The following GPR137C variants were observed in gnomAD, a reference collection of about 807,000 sequenced individuals.
The protein encoded by GPR137C is integral membrane protein GPR137C.
In GPR137C, 27 loss-of-function variants were observed where a neutral mutation model predicts 43.4. The ratio of observed to expected loss-of-function variants is 0.62; its 90% CI spans 0.46 to 0.86. GPR137C has a LOEUF of 0.86. Among genes scored for constraint, GPR137C ranks in the 40% least tolerant of loss-of-function variants. GPR137C has a pLI of 0.00. For missense variants in GPR137C, 522 were observed against 534.6 expected (o/e 0.98, Z 0.23); for synonymous variants, 285 against 226.9 (o/e 1.26, Z -2.30).
At chr14:52,564,954 A>G (rs761920098) in intron 1 of GPR137C, among the ~76,000 whole-genome samples, 1 of 150,568 alleles carries the variant, frequency 6.6e-6, no homozygotes, top group Admixed American at 6.6e-5. Context: ...TGCTTGCTTT[A>G]AAACAAAAGT....
At chr14:52,618,629 A>G (rs2039125687) in intron 3 of GPR137C, among the ~76,000 whole-genome samples, 1 of 152,304 alleles carries the variant, frequency 6.6e-6, no homozygotes, top group Non-Finnish European at 1.5e-5. Context: ...TCAGTTATAA[A>G]TCAATGAAGT....
intron 1 of GPR137C, among the ~76,000 whole-genome samples, chr14:52,584,621 C>G (rs2038689292): frequency 6.6e-6 from 1 of 152,146 alleles, no homozygotes; most frequent in South Asian, 2.1e-4. Context: ...CACTTTGATT[C>G]TGACAACTTT....
intron 1 of GPR137C, among the ~76,000 whole-genome samples, chr14:52,566,921 G>A (rs773236505): frequency 3.9e-5 from 6 of 152,118 alleles, no homozygotes; most frequent in Non-Finnish European, 7.4e-5. Flanking sequence ...AGACCAGCCT[G>A]GCCAACATGG....
chr14:52,608,149 G>A (rs1227995117), intron 3 of GPR137C, among the ~76,000 whole-genome samples: 1 of 152,042 alleles, frequency 6.6e-6, no homozygotes, highest in Non-Finnish European at 1.5e-5. Context: ...TGCCATTTTT[G>A]CTTCTTTTCT....
intron 1 of GPR137C, among the ~76,000 whole-genome samples, chr14:52,585,558 G>T (rs1017000111): frequency 6.6e-6 from 1 of 152,222 alleles, no homozygotes; most frequent in Admixed American, 6.5e-5. Context: ...CCAAGGCCAG[G>T]TATGGTGGCT....
At chr14:52,577,561 T>A (rs1217921623) in intron 1 of GPR137C, among the ~76,000 whole-genome samples, 1 of 145,832 alleles carries the variant, frequency 6.9e-6, no homozygotes, top group Non-Finnish European at 1.5e-5. Context: ...AATGAAAAGT[T>A]GATTCTTGGC....
At chr14:52,569,031 C>G (rs989930825) in intron 1 of GPR137C, among the ~76,000 whole-genome samples, 1 of 152,180 alleles carries the variant, frequency 6.6e-6, no homozygotes, top group Non-Finnish European at 1.5e-5. Flanking sequence ...CGACAGACAC[C>G]TTATGCAACA....
chr14:52,569,131 C>T (rs2038423399), intron 1 of GPR137C, among the ~76,000 whole-genome samples: 1 of 152,198 alleles, frequency 6.6e-6, no homozygotes, highest in Non-Finnish European at 1.5e-5. Context: ...GTTTGGCAGC[C>T]TCCGCTGGTG....
intron 3 of GPR137C, among the ~76,000 whole-genome samples, chr14:52,605,641 G>A (rs191660873): frequency 3.3e-5 from 5 of 152,234 alleles, no homozygotes; most frequent in South Asian, 4.1e-4. Context: ...TAGTGGAAAG[G>A]CTTTCAATTT....
In GPR137C at chr14:52,634,928, TTTG is replaced by T. The variant is rs765420821; in HGVS notation, c.1113-6_1113-4del. On this transcript the variant is annotated splice_polypyrimidine_tract_variant and splice_region_variant and intron_variant, in intron 6 of 6. Coordinates refer to ENST00000321662, the MANE Select transcript of GPR137C (RefSeq NM_001099652.2). ...AGTCCTATGGTCTTTTTGCCTTTTT[TTTG>T]TTGCAGTTTACCAAATTCGCAAAGT... 2 of 1,610,912 alleles carry T rather than the reference TTTG, an allele frequency of 1.2e-6. No homozygotes were observed. The highest frequency in any genetic ancestry group is 3.4e-5 in the Admixed American group (2 of 59,284).
chr14:52,628,601 G>A (rs2039257722), intron 3 of GPR137C, among the ~76,000 whole-genome samples: 1 of 152,164 alleles, frequency 6.6e-6, no homozygotes, highest in Non-Finnish European at 1.5e-5. Context: ...TTCAAGACCA[G>A]CCTGGCCAAC....
intron 1 of GPR137C, among the ~76,000 whole-genome samples, chr14:52,560,683 C>T (rs2038268794): frequency 6.6e-6 from 1 of 152,064 alleles, no homozygotes. Flanking sequence ...ACTAATAATT[C>T]CAAAATAATT....
At chr14:52,571,476 C>T (rs966501846) in intron 1 of GPR137C, among the ~76,000 whole-genome samples, 1 of 152,030 alleles carries the variant, frequency 6.6e-6, no homozygotes, top group Non-Finnish European at 1.5e-5. Context: ...AGTTTGAGAC[C>T]AGCCTGGCCA....
intron 3 of GPR137C, chr14:52,612,546 A>T (rs1396111057): frequency 2.0e-6 from 2 of 978,992 alleles, no homozygotes; most frequent in Admixed American, 6.2e-5. Flanking sequence ...CGTATCTTTT[A>T]TGTTATGATT....
At chr14:52,585,384 C>G (rs924815437) in intron 1 of GPR137C, among the ~76,000 whole-genome samples, 1 of 152,190 alleles carries the variant, frequency 6.6e-6, no homozygotes, top group African/African-American at 2.4e-5. Context: ...CACTTGCTCT[C>G]TCTCTCGCTC....
chr14:52,615,293 A>G lies in GPR137C; in HGVS notation c.717+14952A>G, dbSNP rs554579089. ...GTGTGGATTGGTTTCTGGGTTCTCTATTCTGTCCTACTGGTTTATGTGTCT... is the reference window on the plus strand; with the variant it reads ...GTGTGGATTGGTTTCTGGGTTCTCTGTTCTGTCCTACTGGTTTATGTGTCT... On this transcript the variant is annotated intron_variant, in intron 3 of 6. Transcript: ENST00000321662. Among the ~76,000 whole-genome samples the G allele has an allele frequency of 1.1e-4, 16 of 152,154 alleles. No homozygotes were observed. The South Asian group carries it at 3.3e-3, about 32-fold the overall frequency.
At chr14:52,573,216 A>G (rs1316064637) in intron 1 of GPR137C, among the ~76,000 whole-genome samples, 1 of 152,224 alleles carries the variant, frequency 6.6e-6, no homozygotes, top group Middle Eastern at 3.2e-3. Context: ...GAATTAGAAC[A>G]AACTATTTTA....
At chr14:52,567,649 C>CTT (rs75250866) in intron 1 of GPR137C, among the ~76,000 whole-genome samples, 6,905 of 133,064 alleles carry the variant, frequency 0.052, 220 homozygotes, top group Middle Eastern at 0.083. Flanking sequence ...TCAGATTGTT[C>CTT]TTTTTTTTTT....
chr14:52,591,091 C>T (rs1180473608), intron 1 of GPR137C, among the ~76,000 whole-genome samples: 4 of 143,584 alleles, frequency 2.8e-5, no homozygotes, highest in African/African-American at 5.2e-5. Context: ...ATTTGGTTTT[C>T]GGTCCTTGTG....
Sources: gnomAD v4.1 joint callset for allele counts (sites outside exome capture counted in the v4.1 genomes callset) on GRCh38, gnomAD v4.1.1 for gene constraint, MANE v1.5 for transcripts, NCBI Gene and HGNC (gene_info 2026-07-23, HGNC 2026-07-21) for gene names.